AGAP1: variants seen among roughly 807,000 people sequenced by gnomAD.
The protein encoded by AGAP1 is arf-GAP with GTPase, ANK repeat and PH domain-containing protein 1.
AGAP1 carries 29 observed loss-of-function variants against 105.3 expected under a neutral mutation model. The ratio of observed to expected loss-of-function variants is 0.28; its 90% CI spans 0.21 to 0.38. The LOEUF is 0.38. AGAP1 is among the 10% of genes least tolerant of loss of function. AGAP1 has a pLI of 1.00. For synonymous variants in AGAP1, 509 were observed against 485.9 expected (o/e 1.05, Z -0.63); for missense variants, 998 against 1,165.1 (o/e 0.86, Z 2.09).
chr2:235,842,776 C>T lies in AGAP1; in HGVS notation c.1050+35445C>T, dbSNP rs987526761. The stretch of plus-strand genomic sequence containing the variant: ...GGAGTCTCACTCTGTCACCCAGGCC[C>T]GAGTGCAGTGGCACGGTCTTGGTTC... On this transcript the variant is annotated intron_variant, in intron 9 of 17. Coordinates refer to ENST00000304032, the MANE Select transcript of AGAP1 (RefSeq NM_001037131.3). This position sits in a 1 kb window ranked among gnomAD's most constrained non-coding sequence, Gnocchi z 5.3. Among the ~76,000 whole-genome samples, 21 of 152,102 alleles carry T rather than the reference C, an allele frequency of 1.4e-4. No individual in the cohort carries two copies. Among genetic ancestry groups the T allele is most frequent in the African/African-American group, 3.9e-4 (16 of 41,524 alleles).
intron 16 of AGAP1, among the ~76,000 whole-genome samples, chr2:236,077,140 AAAATAT>A (rs1158235331): frequency 2.3e-5 from 3 of 127,890 alleles, no homozygotes; most frequent in Non-Finnish European, 3.3e-5. Flanking sequence ...AAAAAAAAAA[AAAATAT>A]ATATATATAT....
At position 235,967,858 on chromosome 2, in the gene AGAP1, A is replaced by T. The variant is rs914679554; in HGVS notation, c.1484-604A>T. Among the ~76,000 whole-genome samples the T allele has an allele frequency of 6.6e-6, 1 of 152,234 alleles. No individual in the cohort carries two copies. Among genetic ancestry groups the T allele is most frequent in the South Asian group, 2.1e-4 (1 of 4,832 alleles). On this transcript the variant is annotated intron_variant, in intron 12 of 17. Transcript: ENST00000304032. The surrounding 1 kb of genome is among the most constrained non-coding windows in gnomAD (Gnocchi z 4.7). ...TTTGAAACTGTTCTAAGTAGCTTCAATGAATCAAAAATTGGCAGGCCTACT... is the reference window on the plus strand; with the variant it reads ...TTTGAAACTGTTCTAAGTAGCTTCATTGAATCAAAAATTGGCAGGCCTACT...
chr2:235,571,340 CT>C (rs959596343), intron 1 of AGAP1, among the ~76,000 whole-genome samples: 1 of 152,228 alleles, frequency 6.6e-6, no homozygotes, highest in African/African-American at 2.4e-5. Context: ...TCTCTATGTG[CT>C]GTAGCTGTAT....
intron 1 of AGAP1, among the ~76,000 whole-genome samples, chr2:235,536,206 AT>A (rs1943215687): frequency 5.9e-5 from 1 of 16,820 alleles, no homozygotes; most frequent in African/African-American, 5.1e-4. Context: ...TGTGTGTGGC[AT>A]CCTACACACA....
rs191391042 is a variant in AGAP1, at chr2:235,738,068, C to T, written c.311-2895C>T. Reference sequence around the variant, plus strand: ...AGGACACAGGGTCGGGACGGTGTGGCGGCGAGGTCCCTCTGGCTGTGATAT... The same window carrying T: ...AGGACACAGGGTCGGGACGGTGTGGTGGCGAGGTCCCTCTGGCTGTGATAT... On this transcript the variant is annotated intron_variant, in intron 3 of 17. Coordinates refer to ENST00000304032, the MANE Select transcript of AGAP1 (RefSeq NM_001037131.3). 8.6e-5 allele frequency among the ~76,000 whole-genome samples: 13 copies of T among 152,028 alleles called. No homozygotes were observed. The East Asian group carries it at 2.1e-3, about 25-fold the overall frequency.
In AGAP1 at chr2:235,680,223, G is replaced by A. The variant is rs186423800; in HGVS notation, c.164-28956G>A. ...ATTAAATATATATTCATAGAAGAGTGGTAAAATCTGCTTTGTCCGTGGAAA... is the reference window on the plus strand; with the variant it reads ...ATTAAATATATATTCATAGAAGAGTAGTAAAATCTGCTTTGTCCGTGGAAA... On this transcript the variant is annotated intron_variant, in intron 1 of 17. Coordinates refer to ENST00000304032, the MANE Select transcript of AGAP1 (RefSeq NM_001037131.3). 5.8e-3 allele frequency among the ~76,000 whole-genome samples: 886 copies of A among 152,304 alleles called. 3 individuals are homozygous for A. Among genetic ancestry groups the A allele is most frequent in the Middle Eastern group, 0.014 (4 of 294 alleles).
At chr2:235,506,024 A>C (rs984811430) in intron 1 of AGAP1, among the ~76,000 whole-genome samples, 3 of 148,408 alleles carry the variant, frequency 2.0e-5, no homozygotes, top group African/African-American at 7.5e-5. Flanking sequence ...TTTGCCTCCC[A>C]GGTTCAAGTG....
Position 236,092,219 on chromosome 2 carries a change from A to G in AGAP1, c.2115-27973A>G, listed in dbSNP as rs995786912. Among the ~76,000 whole-genome samples the G allele has an allele frequency of 5.3e-5, 8 of 152,180 alleles. No homozygotes were observed. The highest frequency in any genetic ancestry group is 1.9e-4 in the African/African-American group (8 of 41,454). ...GACCAAATTGCATTGAACCAATTCC[A>G]TGGACACATAAATACAAATGACCAC... On this transcript the variant is annotated intron_variant, in intron 16 of 17. Coordinates refer to ENST00000304032, the MANE Select transcript of AGAP1 (RefSeq NM_001037131.3). This position sits in a 1 kb window ranked among gnomAD's most constrained non-coding sequence, Gnocchi z 4.7.
At chr2:235,910,991 T>A (rs1330886826) in intron 11 of AGAP1, among the ~76,000 whole-genome samples, 3 of 152,326 alleles carry the variant, frequency 2.0e-5, no homozygotes, top group Non-Finnish European at 2.9e-5. Context: ...CCCTAACCTC[T>A]AGAATTCTTC....
intron 9 of AGAP1, among the ~76,000 whole-genome samples, chr2:235,834,656 G>T (rs186005174): frequency 6.6e-6 from 1 of 152,314 alleles, no homozygotes; most frequent in East Asian, 1.9e-4. Flanking sequence ...TGTTCACTTA[G>T]CAGACCATTA....
At chr2:236,098,162 A>AT (rs1401499255) in intron 16 of AGAP1, among the ~76,000 whole-genome samples, 2 of 152,180 alleles carry the variant, frequency 1.3e-5, no homozygotes, top group African/African-American at 4.8e-5. Context: ...ACAAATGTCT[A>AT]TTTCAGTCCC....
intron 12 of AGAP1, among the ~76,000 whole-genome samples, chr2:235,938,849 C>CA (rs1022857497): frequency 1.3e-4 from 20 of 152,222 alleles, no homozygotes; most frequent in African/African-American, 4.3e-4. Context: ...AGGACCCTCT[C>CA]AGGAAGGCGT....
At chr2:235,647,497 C>G (rs895709832) in intron 1 of AGAP1, among the ~76,000 whole-genome samples, 3 of 152,126 alleles carry the variant, frequency 2.0e-5, no homozygotes, top group Non-Finnish European at 4.4e-5. Flanking sequence ...AAGCGATCCT[C>G]TCACCTCAGC....
intron 1 of AGAP1, among the ~76,000 whole-genome samples, chr2:235,603,308 A>C (rs541079430): frequency 6.6e-6 from 1 of 152,198 alleles, no homozygotes. Context: ...CTGTGAGTCC[A>C]TTAAACCTCT....
intron 12 of AGAP1, among the ~76,000 whole-genome samples, chr2:235,946,634 C>T (rs1275053428): frequency 6.6e-6 from 1 of 152,188 alleles, no homozygotes; most frequent in African/African-American, 2.4e-5. Context: ...AAACTAGAAA[C>T]AATCTCTGTG....
In AGAP1 at chr2:236,123,273, G is replaced by A. The variant is rs2059943358; in HGVS notation, c.2371-646G>A. Among the ~76,000 whole-genome samples the A allele has an allele frequency of 6.6e-6, 1 of 152,118 alleles. No individual in the cohort carries two copies. Among genetic ancestry groups the A allele is most frequent in the Admixed American group, 6.5e-5 (1 of 15,280 alleles). On this transcript the variant is annotated intron_variant, in intron 17 of 17. Coordinates refer to ENST00000304032, the MANE Select transcript of AGAP1 (RefSeq NM_001037131.3). This position sits in a 1 kb window ranked among gnomAD's most constrained non-coding sequence, Gnocchi z 4.6. Reference sequence around the variant, plus strand: ...AAATGTGTTTTTTTCTAGAGACAGGGTCTCCCAGTATTGCTCAGGCTAGTC... The same window carrying A: ...AAATGTGTTTTTTTCTAGAGACAGGATCTCCCAGTATTGCTCAGGCTAGTC...
At chr2:235,513,773 G>T (rs917374084) in intron 1 of AGAP1, among the ~76,000 whole-genome samples, 4 of 152,144 alleles carry the variant, frequency 2.6e-5, no homozygotes, top group Admixed American at 2.0e-4. Context: ...TGCATTTCTG[G>T]CTGGCAGATA....
In AGAP1 at chr2:235,724,056, G is replaced by T. The variant is rs1951526820; in HGVS notation, c.310+6412G>T. Among the ~76,000 whole-genome samples the T allele has an allele frequency of 6.6e-6, 1 of 152,236 alleles. No homozygotes were observed. Among genetic ancestry groups the T allele is most frequent in the South Asian group, 2.1e-4 (1 of 4,828 alleles). On this transcript the variant is annotated intron_variant, in intron 3 of 17. Coordinates refer to ENST00000304032, the MANE Select transcript of AGAP1 (RefSeq NM_001037131.3). This position sits in a 1 kb window ranked among gnomAD's most constrained non-coding sequence, Gnocchi z 4.9. ...ATTTGCAGGGAAGGGCCTTAGCCAGGCATGATGTGGGAGCGTTGGCCCTGG... is the reference window on the plus strand; with the variant it reads ...ATTTGCAGGGAAGGGCCTTAGCCAGTCATGATGTGGGAGCGTTGGCCCTGG...
rs1193985482 is a variant in AGAP1 at position 235,792,345 on chromosome 2, C to A, written c.674-5414C>A. Among the ~76,000 whole-genome samples, 1 of 152,146 alleles carries A rather than the reference C, an allele frequency of 6.6e-6. No homozygotes were observed. The highest frequency in any genetic ancestry group is 6.5e-5 in the Admixed American group (1 of 15,284). On this transcript the variant is annotated intron_variant, in intron 6 of 17. Transcript: ENST00000304032. The surrounding 1 kb of genome is among the most constrained non-coding windows in gnomAD (Gnocchi z 5.3). ...TTGCATGGGGTTCATCTGCCTATTC[C>A]AGGAGAGACTATGGTCCTTATCCAG...
Sources: gnomAD v4.1 joint callset for allele counts (sites outside exome capture counted in the v4.1 genomes callset) on GRCh38, gnomAD v4.1.1 for gene constraint, Gnocchi (gnomAD v3.1) non-coding constraint, MANE v1.5 for transcripts, NCBI Gene and HGNC (gene_info 2026-07-23, HGNC 2026-07-21) for gene names.